The following SPTBN4 variants were observed in gnomAD, a reference collection of about 807,000 sequenced individuals.
SPTBN4 encodes spectrin beta chain, non-erythrocytic 4.
A neutral mutation model predicts 277.8 loss-of-function variants in SPTBN4; 96 were observed. The observed-to-expected ratio is 0.35, with a 90% confidence interval of 0.29 to 0.41. The LOEUF is 0.41. Ranked by LOEUF, SPTBN4 falls within the 10% of genes least tolerant of loss-of-function variation. The pLI is 1.00. For synonymous variants in SPTBN4, 1,481 were observed against 1,580.3 expected (o/e 0.94, Z 1.49); for missense variants, 3,006 against 3,595.7 (o/e 0.84, Z 4.19).
In SPTBN4 at chr19:40,565,562, G is replaced by A; in HGVS notation, c.6054+1G>A. 1 of 1,613,364 alleles carries A rather than the reference G, an allele frequency of 6.2e-7. No individual in the cohort carries two copies. Among genetic ancestry groups the A allele is most frequent in the Non-Finnish European group, 8.5e-7 (1 of 1,179,628 alleles). ...CAACAAAAGTGCCATGGCTGATGAG[G>A]TGGGGAGCAGGGAGGGGGTCCCCCT... On this transcript the variant is annotated splice_donor_variant, in intron 28 of 35. Coordinates refer to ENST00000598249, the MANE Select transcript of SPTBN4 (RefSeq NM_020971.3). LOFTEE classifies it high-confidence loss of function.
intron 20 of SPTBN4, among the ~76,000 whole-genome samples, chr19:40,540,400 A>G (rs561235349): frequency 6.6e-6 from 1 of 151,660 alleles, no homozygotes; most frequent in East Asian, 2.0e-4. Context: ...GCTGCTTTTT[A>G]ATTTTAATTT....
intron 5 of SPTBN4, 75 bp from the exon 6 acceptor site, chr19:40,494,822 C>T: frequency 7.6e-7 from 1 of 1,311,262 alleles, no homozygotes; most frequent in Non-Finnish European, 1.1e-6. Context: ...CATTCGGTCT[C>T]CCTCTGTCTT....
Position 40,490,352 on chromosome 19 carries a change from G to A in SPTBN4, c.495+104G>A, listed in dbSNP as rs2080123709. On this transcript the variant is annotated intron_variant, in intron 4 of 35. Coordinates refer to ENST00000598249, the MANE Select transcript of SPTBN4 (RefSeq NM_020971.3). This position sits in a 1 kb window ranked among gnomAD's most constrained non-coding sequence, Gnocchi z 4.3. ...TTTCCTTCCAATAATATCCTAATAT[G>A]CTGGAATCCTATTCCAGGTGTTAGG... is the stretch of plus-strand genomic sequence containing the variant. 3 of 1,346,668 alleles carry A rather than the reference G, an allele frequency of 2.2e-6. No individual in the cohort carries two copies. The highest frequency in any genetic ancestry group is 1.5e-5 in the African/African-American group (1 of 68,172). 83.4% of individuals were successfully genotyped at this position (1,346,668 alleles called of 1,614,324 possible).
chr19:40,504,152 G>GCCCCCCCCCCCCCCCCC lies in SPTBN4; in HGVS notation c.1665+20_1665+21insCCCCCCCCCCCCCCCCC. The GCCCCCCCCCCCCCCCCC allele has an allele frequency of 2.3e-6, 2 of 877,206 alleles. No individual in the cohort carries two copies. Among genetic ancestry groups the GCCCCCCCCCCCCCCCCC allele is most frequent in the African/African-American group, 4.3e-5 (2 of 46,066 alleles). The allele number at this position is 877,206 out of a possible 1,614,324, so 54.3% of individuals were successfully genotyped here. On this transcript the variant is annotated intron_variant, in intron 12 of 35. Coordinates refer to ENST00000598249, the MANE Select transcript of SPTBN4 (RefSeq NM_020971.3). ...ATGCAGGTGCCGGCGGGGGGGCGGG[G>GCCCCCCCCCCCCCCCCC]ATGCGGGTGGAGTGCCAGGAGGGAG...
chr19:40,479,142 G>C (rs564348856), intron 2 of SPTBN4, among the ~76,000 whole-genome samples: 109 of 152,218 alleles, frequency 7.2e-4, no homozygotes, highest in Non-Finnish European at 1.3e-3. Flanking sequence ...CTGTCACCCA[G>C]GCTGGAGTGC....
At chr19:40,487,140 A>G (rs1215149406) in intron 2 of SPTBN4, among the ~76,000 whole-genome samples, 2 of 151,908 alleles carry the variant, frequency 1.3e-5, no homozygotes, top group Non-Finnish European at 1.5e-5. Flanking sequence ...GGTTCAAGCA[A>G]TTCTCCTGCC....
At chr19:40,489,069 G>A (rs1168763256) in intron 3 of SPTBN4, among the ~76,000 whole-genome samples, 8 of 151,208 alleles carry the variant, frequency 5.3e-5, no homozygotes, top group East Asian at 4.0e-4. Flanking sequence ...GTGGTGGCGG[G>A]CACCTGTAGT....
chr19:40,513,127 G>A lies in SPTBN4; in HGVS notation c.2338G>A (p.Ala780Thr). The change falls in exon 14 of 36, where the codon GCT (alanine) becomes ACT (threonine). Residue 780 changes from alanine (A) to threonine (T), a missense_variant. Physicochemically the swap from Ala to Thr is moderately conservative, Grantham distance 58 (BLOSUM62 0). This residue lies in a region of SPTBN4 where 1,759 missense variants were observed against 2,061.5 expected (regional missense o/e 0.85). Coordinates refer to ENST00000598249, the MANE Select transcript of SPTBN4 (RefSeq NM_020971.3). Reference protein sequence around the residue: ...QEARALHQFGADLDGLLDWLR... With the variant: ...QEARALHQFGTDLDGLLDWLR... ...GGCGCGGGCGCTGCACCAGTTCGGC[G>A]CTGACCTCGACGGGCTGCTGGACTG... The A allele has an allele frequency of 6.7e-7, 1 of 1,486,622 alleles. No homozygotes were observed. The highest frequency in any genetic ancestry group is 8.9e-7 in the Non-Finnish European group (1 of 1,127,488). The allele number at this position is 1,486,622 out of a possible 1,614,324, so 92.1% of individuals were successfully genotyped here. A position where few individuals can be genotyped will look rare whatever the true frequency, so the allele number is the denominator to read the frequency against.
intron 20 of SPTBN4, among the ~76,000 whole-genome samples, chr19:40,540,727 T>A (rs1258375627): frequency 7.0e-6 from 1 of 142,040 alleles, no homozygotes; most frequent in East Asian, 2.1e-4. Context: ...AGTGGGAGGA[T>A]CACTTGAGCC....
rs1387231239 is a variant in SPTBN4 at position 40,568,014 on chromosome 19, C to G, written c.6688C>G (p.Arg2230Gly). 7.8e-6 allele frequency: 12 copies of G among 1,536,986 alleles called. No homozygotes were observed. The highest frequency in any genetic ancestry group is 9.6e-6 in the Non-Finnish European group (11 of 1,143,142). The change falls in exon 31 of 36, where the codon CGA (arginine) becomes GGA (glycine). Residue 2230 changes from arginine (R) to glycine (G), a missense_variant. By Grantham distance (125) the Arg-to-Gly change is moderately radical. Around this residue, in one of 5 missense-constraint regions of SPTBN4, gnomAD observed 630 missense variants for 677.6 expected, o/e 0.93. Coordinates refer to ENST00000598249, the MANE Select transcript of SPTBN4 (RefSeq NM_020971.3). ...TPAAAEQVRP[R>G]PERQESADRA... ...CGCGGCGGCGGAGCAGGTGCGGCCA[C>G]GACCGGAGCGCCAGGAGTCAGCTGA...
intron 2 of SPTBN4, among the ~76,000 whole-genome samples, chr19:40,484,913 T>C (rs1410961303): frequency 4.0e-5 from 6 of 150,602 alleles, no homozygotes; most frequent in African/African-American, 1.2e-4. Flanking sequence ...GCCTGGGCGA[T>C]AGAGTGAGAC....
chr19:40,503,870 T>C lies in SPTBN4; in HGVS notation c.1403T>C (p.Met468Thr), dbSNP rs1223496233. 1.5e-5 allele frequency: 24 copies of C among 1,604,910 alleles called. No homozygotes were observed. Among genetic ancestry groups the C allele is most frequent in the South Asian group, 2.2e-5 (2 of 90,562 alleles). ...GAGCTGCCCGCAGTGGAGGCAGCCA[T>C]GAAGAAACACGAAGCGATCGAGGCA... ...GYELPAVEAA[M>T]KKHEAIEADI... The change falls in exon 12 of 36, where the codon ATG (methionine) becomes ACG (threonine). Residue 468 changes from methionine (M) to threonine (T), a missense_variant. Transcript: ENST00000598249.
chr19:40,560,321 C>G lies in SPTBN4; in HGVS notation c.5833C>G (p.Leu1945Val). ...RLHVSSTADA[L>V]RFHSQVRDLL... is the part of the protein sequence containing the mutation. ...GCATGTCAGCTCCACAGCCGACGCC[C>G]TGCGCTTCCACAGCCAAGTCCGCGA... is the stretch of plus-strand genomic sequence containing the variant. The change falls in exon 27 of 36, where the codon CTG (leucine) becomes GTG (valine). Residue 1945 changes from leucine (L) to valine (V), a missense_variant. Coordinates refer to ENST00000598249, the MANE Select transcript of SPTBN4 (RefSeq NM_020971.3). This position sits in a 1 kb window ranked among gnomAD's most constrained non-coding sequence, Gnocchi z 5.2. 1 of 1,614,136 alleles carries G rather than the reference C, an allele frequency of 6.2e-7. No individual in the cohort carries two copies. The highest frequency in any genetic ancestry group is 1.3e-5 in the African/African-American group (1 of 75,068).
chr19:40,506,728 A>G (rs1034653489), intron 13 of SPTBN4, among the ~76,000 whole-genome samples: 1 of 152,186 alleles, frequency 6.6e-6, no homozygotes, highest in African/African-American at 2.4e-5. Flanking sequence ...CTATAATTCC[A>G]GCCCTTTTGG....
At chr19:40,532,582 G>A in intron 18 of SPTBN4, 43 bp from the exon 19 acceptor site, 3 of 1,583,754 alleles carry the variant, frequency 1.9e-6, no homozygotes, top group Non-Finnish European at 2.6e-6. Flanking sequence ...GGCTGTGGCA[G>A]GTTGAGGGGA....
Position 40,506,253 on chromosome 19 carries a change from G to A in SPTBN4, c.1683G>A (p.Arg561=). 6.2e-7 allele frequency: 1 copy of A among 1,613,186 alleles called. No homozygotes were observed. ...MEEMQAQLLS[R]ECGQHLVEAD... ...GCTTGTAGGCTCAGCTGCTGTCCCGGGAGTGTGGGCAGCACCTGGTGGAGG... is the reference window on the plus strand; with the variant it reads ...GCTTGTAGGCTCAGCTGCTGTCCCGAGAGTGTGGGCAGCACCTGGTGGAGG... Residue 561 remains arginine, a synonymous_variant, in exon 13 of 36, where the codon CGG becomes CGA. Coordinates refer to ENST00000598249, the MANE Select transcript of SPTBN4 (RefSeq NM_020971.3).
chr19:40,536,635 T>C (rs1024471496), intron 20 of SPTBN4, among the ~76,000 whole-genome samples: 6 of 152,174 alleles, frequency 3.9e-5, no homozygotes, highest in Non-Finnish European at 5.9e-5. Context: ...GTTAGACCTA[T>C]TGACATTCAC....
chr19:40,521,451 C>T (rs566156414), intron 16 of SPTBN4, among the ~76,000 whole-genome samples: 1 of 152,142 alleles, frequency 6.6e-6, no homozygotes, highest in Non-Finnish European at 1.5e-5. Flanking sequence ...ACTAGACGTT[C>T]CCATCTAGTG....
Position 40,569,426 on chromosome 19 carries a change from CAAAAA to C in SPTBN4, c.6957-216_6957-212del, listed in dbSNP as rs58192016. Among the ~76,000 whole-genome samples, 5 of 120,762 alleles carry C rather than the reference CAAAAA, an allele frequency of 4.1e-5. 1 individual carries two copies. The highest frequency in any genetic ancestry group is 1.5e-4 in the African/African-American group (5 of 33,020). The allele number at this position is 120,762 out of a possible 152,430, so 79.2% of individuals were successfully genotyped here. A position where few individuals can be genotyped will look rare whatever the true frequency, so the allele number is the denominator to read the frequency against. On this transcript the variant is annotated intron_variant, in intron 31 of 35. Transcript: ENST00000598249. ...TGGGCAACAGAGAAAGACTCCGTCT[CAAAAA>C]AAAAAAAAAAAAAATTCAAAGGGGC... is the stretch of plus-strand genomic sequence containing the variant.
Sources: allele counts gnomAD v4.1 joint callset (sites outside exome capture counted in the v4.1 genomes callset), GRCh38; gene constraint gnomAD v4.1.1; regional missense constraint gnomAD v4.1.1; non-coding constraint Gnocchi (gnomAD v3.1); transcripts MANE v1.5; gene names NCBI Gene and HGNC (gene_info 2026-07-23, HGNC 2026-07-21).